CACNA1C: variants seen among roughly 807,000 people sequenced by gnomAD.
CACNA1C encodes calcium voltage-gated channel subunit alpha1 C.
Under a neutral mutation model 229.0 loss-of-function variants are expected in CACNA1C, and 30 were observed. The ratio of observed to expected loss-of-function variants is 0.13; its 90% CI spans 0.10 to 0.18. The LOEUF (loss-of-function observed/expected upper bound fraction) is 0.18, where lower values mean the gene tolerates loss of function less well. Among genes scored for constraint, CACNA1C ranks in the 10% least tolerant of loss-of-function variants. The pLI is 1.00. For synonymous variants in CACNA1C, 1,114 were observed against 1,132.5 expected (o/e 0.98, Z 0.33); for missense variants, 1,658 against 2,845.0 (o/e 0.58, Z 9.49).
intron 1 of CACNA1C, among the ~76,000 whole-genome samples, chr12:1,987,133 C>A (rs906695439): frequency 6.6e-6 from 1 of 152,206 alleles, no homozygotes. Context: ...CCCAGCTTTA[C>A]AAACGATTTG....
intron 1 of CACNA1C, among the ~76,000 whole-genome samples, chr12:2,076,098 T>C (rs985282701): frequency 2.6e-5 from 4 of 152,212 alleles, no homozygotes; most frequent in East Asian, 1.9e-4. Flanking sequence ...GAATTGTCGC[T>C]GTCTGCACTG....
intron 3 of CACNA1C, among the ~76,000 whole-genome samples, chr12:2,168,811 T>C (rs993383772): frequency 1.3e-5 from 2 of 152,138 alleles, no homozygotes; most frequent in African/African-American, 4.8e-5. Flanking sequence ...TCTATGATGG[T>C]CTTATGAGAA....
chr12:2,637,527 C>A (rs542190711), intron 30 of CACNA1C, among the ~76,000 whole-genome samples: 1 of 152,234 alleles, frequency 6.6e-6, no homozygotes, highest in South Asian at 2.1e-4. Flanking sequence ...TAACTCTGGG[C>A]CTTGAGGGGC....
chr12:2,489,825 C>T (rs1037225144), intron 6 of CACNA1C, among the ~76,000 whole-genome samples: 1 of 152,204 alleles, frequency 6.6e-6, no homozygotes, highest in Non-Finnish European at 1.5e-5. Context: ...TTGGACTTTC[C>T]AGAATGACTC....
chr12:2,281,344 T>A (rs1374702811), intron 3 of CACNA1C, among the ~76,000 whole-genome samples: 1 of 152,148 alleles, frequency 6.6e-6, no homozygotes, highest in Non-Finnish European at 1.5e-5. Context: ...TCATATATAC[T>A]TAACCATGTC....
intron 3 of CACNA1C, among the ~76,000 whole-genome samples, chr12:2,271,546 A>C (rs796130188): frequency 2.8e-4 from 43 of 152,332 alleles, no homozygotes; most frequent in African/African-American, 9.9e-4. Context: ...ACCCTAATCT[A>C]TAAAATGGGG....
In CACNA1C at chr12:2,653,587, G is replaced by A. The variant is rs933659772; in HGVS notation, c.4075-248G>A. Among the ~76,000 whole-genome samples, 1 of 152,210 alleles carries A rather than the reference G, an allele frequency of 6.6e-6. No individual in the cohort carries two copies. The highest frequency in any genetic ancestry group is 1.9e-4 in the East Asian group (1 of 5,182). Reference sequence around the variant, plus strand: ...TGCTCGTTCTTGATTGTTTTGCCCAGGTAGTGTCGCACTATATCGTTACTC... The same window carrying A: ...TGCTCGTTCTTGATTGTTTTGCCCAAGTAGTGTCGCACTATATCGTTACTC... On this transcript the variant is annotated intron_variant, in intron 32 of 46. Transcript: ENST00000399655. This position sits in a 1 kb window ranked among gnomAD's most constrained non-coding sequence, Gnocchi z 4.7.
chr12:2,302,414 G>T (rs539852436), intron 3 of CACNA1C, among the ~76,000 whole-genome samples: 5 of 152,000 alleles, frequency 3.3e-5, no homozygotes, highest in Admixed American at 3.3e-4. Flanking sequence ...TCCAAAGGAG[G>T]CAGGAGGCAG....
intron 3 of CACNA1C, among the ~76,000 whole-genome samples, chr12:2,154,915 G>A (rs1038195328): frequency 6.6e-6 from 1 of 152,188 alleles, no homozygotes; most frequent in Non-Finnish European, 1.5e-5. Flanking sequence ...CCCAAAGTGG[G>A]GTATTCCCTC....
At chr12:2,059,429 G>A (rs750352409) in intron 1 of CACNA1C, among the ~76,000 whole-genome samples, 2 of 152,082 alleles carry the variant, frequency 1.3e-5, no homozygotes, top group Non-Finnish European at 2.9e-5. Context: ...TCCTTCCCTG[G>A]AAGCCGAGGG....
At chr12:2,359,346 C>T (rs1175457213) in intron 3 of CACNA1C, among the ~76,000 whole-genome samples, 1 of 152,184 alleles carries the variant, frequency 6.6e-6, no homozygotes, top group Non-Finnish European at 1.5e-5. Flanking sequence ...CCCATAGACT[C>T]ACCTTCCTGC....
intron 3 of CACNA1C, among the ~76,000 whole-genome samples, chr12:2,321,320 A>C (rs2095986376): frequency 6.6e-6 from 1 of 151,778 alleles, no homozygotes; most frequent in Admixed American, 6.6e-5. Context: ...CTGTTAGGGC[A>C]ACATAGCTTT....
intron 3 of CACNA1C, among the ~76,000 whole-genome samples, chr12:2,262,928 A>G (rs911035393): frequency 2.0e-5 from 3 of 152,204 alleles, no homozygotes; most frequent in Non-Finnish European, 4.4e-5. Flanking sequence ...GACAATTCCT[A>G]CCTGCAAGGA....
chr12:2,055,143 C>A (rs1174653376), intron 1 of CACNA1C, among the ~76,000 whole-genome samples: 2 of 152,214 alleles, frequency 1.3e-5, no homozygotes, highest in Non-Finnish European at 2.9e-5. Flanking sequence ...GTCACAAGGG[C>A]AGTATCCATG....
At chr12:2,322,575 G>C (rs1380467899) in intron 3 of CACNA1C, among the ~76,000 whole-genome samples, 2 of 152,154 alleles carry the variant, frequency 1.3e-5, no homozygotes, top group Non-Finnish European at 2.9e-5. Context: ...GAAAAATGAG[G>C]CTCTGAAACC....
intron 13 of CACNA1C, among the ~76,000 whole-genome samples, chr12:2,572,801 T>C (rs1600631130): frequency 1.8e-5 from 2 of 109,796 alleles, no homozygotes; most frequent in Non-Finnish European, 1.9e-5. Flanking sequence ...CCTCCTCCTC[T>C]CCTCCTTCTC....
At chr12:2,474,439 C>T (rs1210586488) in intron 5 of CACNA1C, among the ~76,000 whole-genome samples, 1 of 152,146 alleles carries the variant, frequency 6.6e-6, no homozygotes, top group Non-Finnish European at 1.5e-5. Flanking sequence ...AGGTGGATCC[C>T]GTAGGTAGTT....
At chr12:2,617,337 C>G in intron 29 of CACNA1C, among the ~76,000 whole-genome samples, 1 of 152,206 alleles carries the variant, frequency 6.6e-6, no homozygotes, top group Admixed American at 6.5e-5. Flanking sequence ...CTGGGCCCAG[C>G]CTTGCCCCGG....
chr12:2,642,658 ACT>A (rs2093852693), intron 30 of CACNA1C, among the ~76,000 whole-genome samples: 1 of 151,294 alleles, frequency 6.6e-6, no homozygotes, highest in South Asian at 2.1e-4. Context: ...TGCCTCACCC[ACT>A]CTGTTTCTCT....
Sources: gnomAD v4.1 joint callset for allele counts (sites outside exome capture counted in the v4.1 genomes callset) on GRCh38, gnomAD v4.1.1 for gene constraint, Gnocchi (gnomAD v3.1) non-coding constraint, MANE v1.5 for transcripts, NCBI Gene and HGNC (gene_info 2026-07-23, HGNC 2026-07-21) for gene names.